The following TTC29 variants were observed in gnomAD, a reference collection of about 807,000 sequenced individuals.
TTC29 encodes the protein tetratricopeptide repeat domain 29, also known as tetratricopeptide repeat protein 29.
A neutral mutation model predicts 58.1 loss-of-function variants in TTC29; 49 were observed. The ratio of observed to expected loss-of-function variants is 0.84; its 90% CI spans 0.67 to 1.07. TTC29 has a LOEUF of 1.07. Among genes scored for constraint, TTC29 ranks in the 50% least tolerant of loss-of-function variants. The probability of loss-of-function intolerance (pLI) is 0.00; values close to 1 mark genes in which losing one functional copy is unlikely to be tolerated. For synonymous variants in TTC29, 209 were observed against 196.8 expected (o/e 1.06, Z -0.52); for missense variants, 582 against 555.6 (o/e 1.05, Z -0.48).
intron 11 of TTC29, among the ~76,000 whole-genome samples, chr4:146,728,772 C>T (rs867814334): frequency 2.4e-5 from 3 of 124,478 alleles, no homozygotes; most frequent in African/African-American, 6.3e-5. Flanking sequence ...CATATATATA[C>T]ACATATATAT....
intron 4 of TTC29, among the ~76,000 whole-genome samples, chr4:146,919,210 A>G (rs1423948030): frequency 6.6e-6 from 1 of 150,946 alleles, no homozygotes; most frequent in Non-Finnish European, 1.5e-5. Context: ...TTACAACACG[A>G]CTCCAAACAC....
Position 146,927,091 on chromosome 4 carries a change from A to AAAAG in TTC29, c.176+10499_176+10502dup, listed in dbSNP as rs1553941811. Reference sequence around the variant, plus strand: ...GCAAGACCCCATCTCAAAAAAAAAAAAAAGAAAAAAAAAGACACTTACATT... The same window carrying AAAAG: ...GCAAGACCCCATCTCAAAAAAAAAAAAAAGAAAGAAAAAAAAAGACACTTACATT... On this transcript the variant is annotated intron_variant, in intron 4 of 12. Coordinates refer to ENST00000325106, the MANE Select transcript of TTC29 (RefSeq NM_031956.4). 1.2e-4 allele frequency among the ~76,000 whole-genome samples: 18 copies of AAAAG among 151,786 alleles called. No homozygotes were observed. In the South Asian group the frequency reaches 2.9e-3, roughly 25 times the overall value.
At chr4:146,829,332 G>A (rs1252085477) in intron 9 of TTC29, among the ~76,000 whole-genome samples, 1 of 152,194 alleles carries the variant, frequency 6.6e-6, no homozygotes, top group Non-Finnish European at 1.5e-5. Flanking sequence ...AATCAATAAA[G>A]GATGTGGTTG....
At chr4:146,707,773 A>G (rs1421844528) in intron 11 of TTC29, among the ~76,000 whole-genome samples, 1 of 152,134 alleles carries the variant, frequency 6.6e-6, no homozygotes, top group Non-Finnish European at 1.5e-5. Flanking sequence ...TCCCCCATGA[A>G]GAAGTAGAAT....
chr4:146,777,809 C>A (rs1373408664), intron 11 of TTC29, among the ~76,000 whole-genome samples: 2 of 152,188 alleles, frequency 1.3e-5, no homozygotes, highest in Non-Finnish European at 2.9e-5. Flanking sequence ...ATAGGATTTG[C>A]TCACTAACTG....
At chr4:146,786,813 T>C (rs2150095979) in intron 11 of TTC29, among the ~76,000 whole-genome samples, 1 of 152,186 alleles carries the variant, frequency 6.6e-6, no homozygotes, top group African/African-American at 2.4e-5. Flanking sequence ...CTAACCTTTA[T>C]AAAAGTCACT....
chr4:146,775,544 CT>C (rs35456033), intron 11 of TTC29, among the ~76,000 whole-genome samples: 2,649 of 135,382 alleles, frequency 0.02, 47 homozygotes, highest in African/African-American at 0.052. Context: ...GTTGAAATTT[CT>C]TTTTTTTTTT....
intron 4 of TTC29, among the ~76,000 whole-genome samples, chr4:146,935,266 G>A (rs1425638336): frequency 6.6e-6 from 1 of 152,094 alleles, no homozygotes; most frequent in Non-Finnish European, 1.5e-5. Flanking sequence ...TGGGGTACAT[G>A]ATGAGAGGTT....
At chr4:146,741,713 A>G (rs1046211650) in intron 11 of TTC29, among the ~76,000 whole-genome samples, 4 of 152,128 alleles carry the variant, frequency 2.6e-5, no homozygotes, top group African/African-American at 4.8e-5. Flanking sequence ...AGCTGCCTGT[A>G]CAACTGCAAT....
chr4:146,802,425 G>T (rs1314176927), intron 11 of TTC29, among the ~76,000 whole-genome samples: 1 of 152,162 alleles, frequency 6.6e-6, no homozygotes, highest in Non-Finnish European at 1.5e-5. Context: ...ATTTTTTGAA[G>T]ACTTCATCTT....
intron 11 of TTC29, among the ~76,000 whole-genome samples, chr4:146,763,278 T>C (rs990300287): frequency 6.6e-6 from 1 of 152,130 alleles, no homozygotes; most frequent in East Asian, 1.9e-4. Context: ...ATTAACTTTA[T>C]GTTCAACAGT....
intron 11 of TTC29, among the ~76,000 whole-genome samples, chr4:146,714,394 G>A (rs1579505651): frequency 1.3e-5 from 2 of 152,072 alleles, no homozygotes; most frequent in African/African-American, 4.8e-5. Flanking sequence ...TCAAAAAGAT[G>A]AACATATTAT....
intron 8 of TTC29, among the ~76,000 whole-genome samples, chr4:146,840,360 G>A (rs913702323): frequency 3.3e-5 from 5 of 151,932 alleles, no homozygotes; most frequent in Admixed American, 2.6e-4. Flanking sequence ...TCTTCATAAC[G>A]CCCAACCTTC....
chr4:146,786,593 T>A (rs2150095599), intron 11 of TTC29, among the ~76,000 whole-genome samples: 1 of 152,262 alleles, frequency 6.6e-6, no homozygotes, highest in Admixed American at 6.5e-5. Context: ...GGCTCCGAAA[T>A]CGTAATTGGT....
chr4:146,760,311 T>C, intron 11 of TTC29, among the ~76,000 whole-genome samples: 1 of 151,854 alleles, frequency 6.6e-6, no homozygotes, highest in Non-Finnish European at 1.5e-5. Context: ...CGGAAACACA[T>C]CCCATGCTCA....
intron 6 of TTC29, among the ~76,000 whole-genome samples, chr4:146,888,422 T>TCCTATGCTGGTCTG (rs1264742831): frequency 2.0e-5 from 3 of 152,242 alleles, no homozygotes; most frequent in Admixed American, 2.0e-4. Context: ...GCCCTGGGCT[T>TCCTATGCTGGTCTG]CCTATGCTGG....
Position 146,837,399 on chromosome 4 carries a change from G to A in TTC29, c.886-3502C>T, listed in dbSNP as rs190293192. Among the ~76,000 whole-genome samples, 310 of 152,076 alleles carry A rather than the reference G, an allele frequency of 2.0e-3. 3 individuals carry two copies. Among genetic ancestry groups the A allele is most frequent in the East Asian group, 1.7e-3 (9 of 5,166 alleles). ...CAGAAAAGATAACTGTTGGGTACTA[G>A]GTTTAGTACCCAGGTGATGAAATAA... On this transcript the variant is annotated intron_variant, in intron 8 of 12. Coordinates refer to ENST00000325106, the MANE Select transcript of TTC29 (RefSeq NM_031956.4).
chr4:146,815,916 C>A (rs1441651941), intron 10 of TTC29, among the ~76,000 whole-genome samples: 1 of 152,074 alleles, frequency 6.6e-6, no homozygotes, highest in Non-Finnish European at 1.5e-5. Flanking sequence ...CATTGCTAAC[C>A]AATATTTTCC....
chr4:146,883,386 T>G (rs113748491), intron 6 of TTC29, among the ~76,000 whole-genome samples: 1 of 139,580 alleles, frequency 7.2e-6, no homozygotes, highest in African/African-American at 2.5e-5. Context: ...TGGAGTTATA[T>G]AGTTTCTTTT....
Sources: allele counts gnomAD v4.1 joint callset (sites outside exome capture counted in the v4.1 genomes callset), GRCh38; gene constraint gnomAD v4.1.1; transcripts MANE v1.5; gene names NCBI Gene and HGNC (gene_info 2026-07-23, HGNC 2026-07-21).